The following SLC5A10 variants were observed in gnomAD, a reference collection of about 807,000 sequenced individuals.
The protein encoded by SLC5A10 is sodium/mannose cotransporter SLC5A10.
SLC5A10 carries 55 observed loss-of-function variants against 68.9 expected under a neutral mutation model. The observed-to-expected ratio is 0.80, with a 90% CI of 0.64 to 1.00. SLC5A10 has a LOEUF of 1.00. Ranked by LOEUF, SLC5A10 falls within the 50% of genes least tolerant of loss-of-function variation. The pLI is 0.00. For synonymous variants in SLC5A10, 344 were observed against 344.8 expected (o/e 1.00, Z 0.02); for missense variants, 732 against 819.3 (o/e 0.89, Z 1.30).
chr17:19,019,044 G>A, intron 11 of SLC5A10: 1 of 209,646 alleles, frequency 4.8e-6, no homozygotes, highest in Non-Finnish European at 9.4e-6. Flanking sequence ...TCCATTGGGA[G>A]GGGAAGACAG....
In SLC5A10 at chr17:18,959,174, C is replaced by T. The variant is rs764776829; in HGVS notation, c.223C>T (p.Leu75Phe). 1.2e-6 allele frequency: 2 copies of T among 1,613,920 alleles called. No homozygotes were observed. The highest frequency in any genetic ancestry group is 1.7e-6 in the Non-Finnish European group (2 of 1,179,940). ...CTTCGCCAGCAGCGAGGGCTCTGGC[C>T]TCTTCATTGGACTGGCGGGCTCAGG... ...SLFASSEGSG[L>F]FIGLAGSGAA... The change falls in exon 3 of 15, where the codon CTC becomes TTC. Residue 75 changes from leucine to phenylalanine, a missense_variant. Physicochemically the swap from Leu to Phe is conservative, Grantham distance 22 (BLOSUM62 0). Coordinates refer to ENST00000395645, the MANE Select transcript of SLC5A10 (RefSeq NM_001042450.4).
chr17:18,965,659 G>A (rs1249889472), intron 5 of SLC5A10, among the ~76,000 whole-genome samples: 1 of 152,220 alleles, frequency 6.6e-6, no homozygotes, highest in East Asian at 1.9e-4. Flanking sequence ...CTGCACCACA[G>A]GGCCCACACG....
chr17:18,961,331 A>G (rs1195071637), intron 5 of SLC5A10, among the ~76,000 whole-genome samples: 1 of 152,122 alleles, frequency 6.6e-6, no homozygotes, highest in Admixed American at 6.5e-5. Context: ...ATCCAGCCCC[A>G]GGCTTCTGAA....
intron 9 of SLC5A10, among the ~76,000 whole-genome samples, chr17:19,012,322 G>A (rs1031910909): frequency 3.9e-5 from 6 of 152,258 alleles, no homozygotes; most frequent in Admixed American, 1.3e-4. Flanking sequence ...CACAGGGCAG[G>A]AGGCCGAGGG....
At position 19,022,282 on chromosome 17, in the gene SLC5A10, G is replaced by A; in HGVS notation, c.*1851G>A. 2.0e-6 allele frequency: 1 copy of A among 510,316 alleles called. No individual in the cohort carries two copies. The highest frequency in any genetic ancestry group is 4.0e-5 in the Admixed American group (1 of 24,730). The allele number at this position is 510,316 out of a possible 1,614,324, so 31.6% of individuals were successfully genotyped here. ...GCACCGGAGTTGAACTTTAAGTCCA[G>A]ATCAATGGTAGTGCCACCACTGGGC... On this transcript the variant is annotated 3_prime_UTR_variant, in exon 15 of 15. Transcript: ENST00000395645.
At chr17:18,994,549 TGGAAAGGGGAGGCTGAGCAGAGAACCACC>T (rs1298150739) in intron 9 of SLC5A10, among the ~76,000 whole-genome samples, 5 of 152,014 alleles carry the variant, frequency 3.3e-5, no homozygotes, top group East Asian at 3.9e-4. Flanking sequence ...AGGGAACCAC[TGGAAAGGGGAGGCTGAGCAGAGAACCACC>T]GGAAAGGGGT....
At chr17:18,992,935 C>A (rs1371496884) in intron 9 of SLC5A10, among the ~76,000 whole-genome samples, 1 of 152,210 alleles carries the variant, frequency 6.6e-6, no homozygotes, top group Non-Finnish European at 1.5e-5. Flanking sequence ...CAGCCTGTGG[C>A]TCCTGACACC....
chr17:18,971,726 C>T lies in SLC5A10; in HGVS notation c.846+508C>T, dbSNP rs373901976. 15 of 1,577,542 alleles carry T rather than the reference C, an allele frequency of 9.5e-6. No homozygotes were observed. Among genetic ancestry groups the T allele is most frequent in the African/African-American group, 8.1e-5 (6 of 73,804 alleles). On this transcript the variant is annotated intron_variant, in intron 8 of 14. Transcript: ENST00000395645. This position sits in a 1 kb window ranked among gnomAD's most constrained non-coding sequence, Gnocchi z 5.5. ...ATCCCTAGTCCCTGAGGCAGGGACC[C>T]TGTGATGATGAAACTGCTGGCCCTG... is the stretch of plus-strand genomic sequence containing the variant.
chr17:19,008,410 T>C (rs1443858061), intron 9 of SLC5A10, among the ~76,000 whole-genome samples: 1 of 152,204 alleles, frequency 6.6e-6, no homozygotes, highest in Non-Finnish European at 1.5e-5. Context: ...AATTTTTGTA[T>C]AAGGTGTGAA....
chr17:19,021,825 G>A lies in SLC5A10; in HGVS notation c.*1394G>A. 1 of 918,056 alleles carries A rather than the reference G, an allele frequency of 1.1e-6. No individual in the cohort carries two copies. Among genetic ancestry groups the A allele is most frequent in the Non-Finnish European group, 1.5e-6 (1 of 682,056 alleles). The allele number at this position is 918,056 out of a possible 1,614,324, so 56.9% of individuals were successfully genotyped here. ...AGTTTGTGCAGAGCGGCCGGAGGCAGTTAGGAGCCCACGTTCAGTCCAAGG... is the reference window on the plus strand; with the variant it reads ...AGTTTGTGCAGAGCGGCCGGAGGCAATTAGGAGCCCACGTTCAGTCCAAGG... On this transcript the variant is annotated 3_prime_UTR_variant, in exon 15 of 15. Transcript: ENST00000395645. The surrounding 1 kb of genome is among the most constrained non-coding windows in gnomAD (Gnocchi z 4.1).
At chr17:18,970,373 G>C (rs1243486811) in intron 7 of SLC5A10, 1 of 155,352 alleles carries the variant, frequency 6.4e-6, no homozygotes, top group Non-Finnish European at 1.4e-5. Flanking sequence ...AGATGGGCCA[G>C]GGCTTGGCCA....
Position 19,017,342 on chromosome 17 carries a change from G to T in SLC5A10, c.1242-2081G>T, listed in dbSNP as rs372209873. ...AAGCCGTCTCAGCTTCCTCCTGCCC[G>T]AAACACCACCATTGGAGCGGTATCT... On this transcript the variant is annotated intron_variant, in intron 11 of 14. Coordinates refer to ENST00000395645, the MANE Select transcript of SLC5A10 (RefSeq NM_001042450.4). This position sits in a 1 kb window ranked among gnomAD's most constrained non-coding sequence, Gnocchi z 5.6. The T allele has an allele frequency of 6.4e-7, 1 of 1,551,966 alleles. No homozygotes were observed. Among genetic ancestry groups the T allele is most frequent in the Middle Eastern group, 1.7e-4 (1 of 5,994 alleles).
intron 9 of SLC5A10, among the ~76,000 whole-genome samples, chr17:19,008,883 G>A (rs2043957610): frequency 6.6e-6 from 1 of 150,760 alleles, no homozygotes; most frequent in Non-Finnish European, 1.5e-5. Flanking sequence ...CCTGATCTCG[G>A]CTCACTGCAA....
intron 5 of SLC5A10, among the ~76,000 whole-genome samples, chr17:18,961,041 T>A (rs896108727): frequency 6.6e-5 from 10 of 152,182 alleles, no homozygotes; most frequent in Non-Finnish European, 1.5e-4. Flanking sequence ...TGGTCTGCAC[T>A]GAGCTGACCT....
chr17:18,967,276 C>T (rs1374882494), intron 5 of SLC5A10, among the ~76,000 whole-genome samples: 1 of 152,200 alleles, frequency 6.6e-6, no homozygotes, highest in East Asian at 1.9e-4. Context: ...CACCCCACAC[C>T]CTTGCTCCTG....
intron 9 of SLC5A10, among the ~76,000 whole-genome samples, chr17:18,994,804 G>C (rs1350772613): frequency 6.6e-6 from 1 of 152,186 alleles, no homozygotes; most frequent in Admixed American, 6.5e-5. Context: ...TATGTTCTCT[G>C]TCACAACTAC....
chr17:18,981,667 T>A (rs1415817385), intron 9 of SLC5A10, among the ~76,000 whole-genome samples: 1 of 151,970 alleles, frequency 6.6e-6, no homozygotes, highest in Admixed American at 6.5e-5. Context: ...GGGCCGTGGG[T>A]GAGTCCCCAT....
At chr17:19,014,980 C>G in intron 10 of SLC5A10, 69 bp from the exon 11 acceptor site, 1 of 1,553,286 alleles carries the variant, frequency 6.4e-7, no homozygotes, top group Non-Finnish European at 8.8e-7. Flanking sequence ...GCATTAGAGC[C>G]CAGGCGGGAG....
In SLC5A10 at chr17:19,003,616, G is replaced by A. The variant is rs1678579694; in HGVS notation, c.983-9794G>A. ...TGTAGACGCTAGCCCGGGTCACGCC[G>A]CGGTAGGCGATGGTGTCGGGCCAGC... On this transcript the variant is annotated intron_variant, in intron 9 of 14. Coordinates refer to ENST00000395645, the MANE Select transcript of SLC5A10 (RefSeq NM_001042450.4). This position sits in a 1 kb window ranked among gnomAD's most constrained non-coding sequence, Gnocchi z 4.5. 1.2e-6 allele frequency: 2 copies of A among 1,611,976 alleles called. No homozygotes were observed. Among genetic ancestry groups the A allele is most frequent in the Non-Finnish European group, 1.7e-6 (2 of 1,179,310 alleles).
Sources: allele counts gnomAD v4.1 joint callset (sites outside exome capture counted in the v4.1 genomes callset), GRCh38; gene constraint gnomAD v4.1.1; non-coding constraint Gnocchi (gnomAD v3.1); transcripts MANE v1.5; gene names NCBI Gene and HGNC (gene_info 2026-07-23, HGNC 2026-07-21).